MATCAP2: variants seen among roughly 807,000 people sequenced by gnomAD.
MATCAP2 encodes the protein putative tyrosine carboxypeptidase MATCAP2.
chr7:36,356,171 T>C, the MATCAP2 span: 9 of 152,094 alleles, frequency 5.9e-5, no homozygotes, highest in Non-Finnish European at 1.0e-4. Context: ...GCCAGGAATT[T>C]AACACAATAG....
chr7:36,376,102 T>C, the MATCAP2 span, among the ~76,000 whole-genome samples: 2 of 152,248 alleles, frequency 1.3e-5, no homozygotes, highest in East Asian at 3.8e-4. Flanking sequence ...AGTTCTGCTC[T>C]GATCCTTAGT....
At chr7:36,371,832 CT>C in the MATCAP2 span, among the ~76,000 whole-genome samples, 1 of 152,062 alleles carries the variant, frequency 6.6e-6, no homozygotes, top group East Asian at 1.9e-4. Flanking sequence ...GCGATCATAA[CT>C]CCTGGGCTCA....
At chr7:36,375,403 G>A in the MATCAP2 span, among the ~76,000 whole-genome samples, 13 of 152,158 alleles carry the variant, frequency 8.5e-5, no homozygotes, top group East Asian at 1.4e-3. Flanking sequence ...ATTGATTTGC[G>A]TATGTTGAAC....
the MATCAP2 span, among the ~76,000 whole-genome samples, chr7:36,364,133 G>A: frequency 6.6e-6 from 1 of 150,734 alleles, no homozygotes; most frequent in Non-Finnish European, 1.5e-5. Context: ...TGTGGCCAAG[G>A]CTGGAGTGCA....
chr7:36,369,767 A>T, the MATCAP2 span, among the ~76,000 whole-genome samples: 1 of 152,148 alleles, frequency 6.6e-6, no homozygotes, highest in South Asian at 2.1e-4. Flanking sequence ...AAATACATAT[A>T]TGTGTGTATA....
chr7:36,363,949 T>TCA, the MATCAP2 span, among the ~76,000 whole-genome samples: 1 of 152,096 alleles, frequency 6.6e-6, no homozygotes, highest in African/African-American at 2.4e-5. Flanking sequence ...ATATTCTGAA[T>TCA]CATTAAATTT....
chr7:36,340,151 A>G, the MATCAP2 span, among the ~76,000 whole-genome samples: 1 of 152,234 alleles, frequency 6.6e-6, no homozygotes, highest in Admixed American at 6.5e-5. Flanking sequence ...TATAGGCATG[A>G]GCCACCGCGC....
chr7:36,351,180 G>T, the MATCAP2 span, among the ~76,000 whole-genome samples: 5 of 152,158 alleles, frequency 3.3e-5, no homozygotes, highest in African/African-American at 7.2e-5. Context: ...TGGATCACCT[G>T]AGGTCAGGAG....
chr7:36,332,666 G>A, the MATCAP2 span, among the ~76,000 whole-genome samples: 28 of 152,298 alleles, frequency 1.8e-4, no homozygotes, highest in Middle Eastern at 6.8e-3. Context: ...GGTGGCTCAC[G>A]CCTGTAGTCC....
chr7:36,356,491 G>A, the MATCAP2 span: 1 of 260,814 alleles, frequency 3.8e-6, no homozygotes, highest in Non-Finnish European at 7.4e-6. Flanking sequence ...CTCCAACCTG[G>A]GCAAAGAGCA....
chr7:36,342,119 T>C, the MATCAP2 span, among the ~76,000 whole-genome samples: 1 of 152,156 alleles, frequency 6.6e-6, no homozygotes, highest in Non-Finnish European at 1.5e-5. Context: ...TTTCAGTGTT[T>C]GTGGAAGCAC....
the MATCAP2 span, among the ~76,000 whole-genome samples, chr7:36,330,066 T>G: frequency 7.0e-6 from 1 of 143,076 alleles, no homozygotes; most frequent in East Asian, 2.0e-4. Flanking sequence ...TTTTATTTTA[T>G]TTTATTTTAT....
chr7:36,365,701 A>T, the MATCAP2 span, among the ~76,000 whole-genome samples: 1 of 152,234 alleles, frequency 6.6e-6, no homozygotes, highest in Non-Finnish European at 1.5e-5. Flanking sequence ...TCCGTCTCAA[A>T]AACAACAACA....
the MATCAP2 span, among the ~76,000 whole-genome samples, chr7:36,382,742 C>T: frequency 3.0e-4 from 45 of 152,234 alleles, no homozygotes; most frequent in Non-Finnish European, 5.6e-4. Flanking sequence ...ATCCACCCGC[C>T]TTGGCCTCCC....
At chr7:36,388,875 T>C in the MATCAP2 span, among the ~76,000 whole-genome samples, 2 of 152,186 alleles carry the variant, frequency 1.3e-5, no homozygotes, top group African/African-American at 2.4e-5. Flanking sequence ...GAATTTAAAA[T>C]AAAAAATTGT....
At chr7:36,349,679 C>T in the MATCAP2 span, among the ~76,000 whole-genome samples, 3 of 152,152 alleles carry the variant, frequency 2.0e-5, no homozygotes, top group African/African-American at 4.8e-5. Flanking sequence ...GCCTAAATAC[C>T]GCAGACTATT....
the MATCAP2 span, chr7:36,383,726 T>G: frequency 9.1e-6 from 5 of 548,032 alleles, no homozygotes; most frequent in Non-Finnish European, 1.3e-5. Context: ...GACAGGTTGA[T>G]GGGTTCAGCA....
chr7:36,367,558 A>G, the MATCAP2 span, among the ~76,000 whole-genome samples: 1 of 152,118 alleles, frequency 6.6e-6, no homozygotes, highest in African/African-American at 2.4e-5. Flanking sequence ...TCCCCTTACG[A>G]GGTGCGGGGA....
chr7:36,343,427 GGGAGATGGGAGGGGAGA>G, the MATCAP2 span, among the ~76,000 whole-genome samples: 1 of 3,468 alleles, frequency 2.9e-4, no homozygotes, highest in Non-Finnish European at 5.6e-4. Context: ...GGGAGAGGAG[GGGAGATGGGAGGGGAGA>G]GGAGAGGGGA....
Sources: allele counts gnomAD v4.1 joint callset (sites outside exome capture counted in the v4.1 genomes callset), GRCh38; gene constraint gnomAD v4.1.1; transcripts MANE v1.5; gene names NCBI Gene and HGNC (gene_info 2026-07-23, HGNC 2026-07-21).